The following DICER1 variants were observed in gnomAD, a reference collection of about 807,000 sequenced individuals.
DICER1 encodes endoribonuclease Dicer.
Under a neutral mutation model 194.1 loss-of-function variants are expected in DICER1, and 43 were observed. That is an observed-to-expected ratio of 0.22 (90% CI 0.17 to 0.29). The LOEUF is 0.29. DICER1 is among the 10% of genes least tolerant of loss of function. The probability of loss-of-function intolerance (pLI) is 1.00; values close to 1 mark genes in which losing one functional copy is unlikely to be tolerated. For synonymous variants in DICER1, 832 were observed against 820.5 expected (o/e 1.01, Z -0.24); for missense variants, 1,608 against 2,317.0 (o/e 0.69, Z 6.28).
Position 95,124,610 on chromosome 14 carries a change from A to G in DICER1, c.962T>C (p.Val321Ala), listed in dbSNP as rs769510530. The change falls in exon 8 of 27, where the codon GTA becomes GCA. Residue 321 changes from valine (V) to alanine (A), a missense_variant. This residue lies in a region of DICER1 where 657 missense variants were observed against 910.1 expected (regional missense o/e 0.72). Transcript: ENST00000343455. The surrounding 1 kb of genome is among the most constrained non-coding windows in gnomAD (Gnocchi z 4.5). ...VVLGPWCADK[V>A]AGMMVRELQK... ...TAGTTCTCTTACCATCATTCCAGCT[A>G]CTTTATCTGCACACCAGGGTCCCAG... The G allele has an allele frequency of 6.2e-7, 1 of 1,613,718 alleles. No homozygotes were observed. The highest frequency in any genetic ancestry group is 8.5e-7 in the Non-Finnish European group (1 of 1,180,016).
intron 7 of DICER1, 124 bp downstream of exon 7, chr14:95,126,453 TAAA>T (rs1244224366): frequency 1.2e-5 from 8 of 640,120 alleles, no homozygotes; most frequent in Non-Finnish European, 2.1e-5. Context: ...GAAAAATGTC[TAAA>T]AAGATTAAGA....
At chr14:95,118,029 G>A (rs185044362) in intron 8 of DICER1, among the ~76,000 whole-genome samples, 10 of 152,254 alleles carry the variant, frequency 6.6e-5, no homozygotes, top group Admixed American at 1.3e-4. Context: ...ATTTGGCGAC[G>A]GTGATTTAAT....
intron 1 of DICER1, among the ~76,000 whole-genome samples, chr14:95,143,058 T>C (rs1377226544): frequency 6.6e-6 from 1 of 152,158 alleles, no homozygotes; most frequent in Non-Finnish European, 1.5e-5. Flanking sequence ...AAGCCCAAAA[T>C]GCATGACTTC....
rs749559682 is a variant in DICER1, at chr14:95,099,926, A to T, written c.4060T>A (p.Cys1354Ser). Residue 1354 changes from cysteine to serine, a missense_variant, in exon 22 of 27, where the codon TGT (cysteine) becomes AGT (serine). Around this residue, in one of 10 missense-constraint regions of DICER1, gnomAD observed 58 missense variants for 125.7 expected, o/e 0.46. Transcript: ENST00000343455. ...TTTTTTCCAAGGCGATACAGATTAC[A>T]GTTGCTGACCTTTAGCAGAAAATAT... ...SYMRSKKVSN[C>S]NLYRLGKKKG... is the part of the protein sequence containing the mutation. 7 of 1,613,970 alleles carry T rather than the reference A, an allele frequency of 4.3e-6. No homozygotes were observed. Among genetic ancestry groups the T allele is most frequent in the Non-Finnish European group, 5.1e-6 (6 of 1,179,972 alleles).
Position 95,105,034 on chromosome 14 carries a change from T to G in DICER1, c.3269+37A>C. The G allele has an allele frequency of 6.3e-7, 1 of 1,598,850 alleles. No homozygotes were observed. Among genetic ancestry groups the G allele is most frequent in the Non-Finnish European group, 8.6e-7 (1 of 1,167,328 alleles). ...CTGTTCTTTTGCAAACAGGATCTCATGATCTGTGTTCTTTCTGGCTGACTG... is the reference window on the plus strand; with the variant it reads ...CTGTTCTTTTGCAAACAGGATCTCAGGATCTGTGTTCTTTCTGGCTGACTG... On this transcript the variant is annotated intron_variant, in intron 20 of 26. Coordinates refer to ENST00000343455, the MANE Select transcript of DICER1 (RefSeq NM_177438.3). The surrounding 1 kb of genome is among the most constrained non-coding windows in gnomAD (Gnocchi z 4.9).
intron 1 of DICER1, 98 bp from the exon 2 acceptor site, chr14:95,133,601 G>T (rs1894144442): frequency 1.1e-6 from 1 of 935,520 alleles, no homozygotes; most frequent in Non-Finnish European, 1.6e-6. Flanking sequence ...ATTCCTATGA[G>T]CCATTCAAAC....
At chr14:95,143,248 T>C (rs971419564) in intron 1 of DICER1, among the ~76,000 whole-genome samples, 7 of 152,192 alleles carry the variant, frequency 4.6e-5, no homozygotes, top group African/African-American at 1.4e-4. Context: ...CAATCACGCC[T>C]ACATCACTTA....
In DICER1 at chr14:95,103,327, T is replaced by TA. The variant is rs781354718; in HGVS notation, c.4050+18dup. On this transcript the variant is annotated intron_variant, in intron 21 of 26. Coordinates refer to ENST00000343455, the MANE Select transcript of DICER1 (RefSeq NM_177438.3). Reference sequence around the variant, plus strand: ...ACACTGAATAATTAACTGCTCAAAATAAAAAAATCATCTCTTACCTTTTTG... The same window carrying TA: ...ACACTGAATAATTAACTGCTCAAAATAAAAAAAATCATCTCTTACCTTTTTG... 44 of 1,612,448 alleles carry TA rather than the reference T, an allele frequency of 2.7e-5. No individual in the cohort carries two copies. The highest frequency in any genetic ancestry group is 1.6e-4 in the Middle Eastern group (1 of 6,076).
At chr14:95,097,248 G>A (rs1469813623) in intron 22 of DICER1, among the ~76,000 whole-genome samples, 1 of 152,058 alleles carries the variant, frequency 6.6e-6, no homozygotes, top group Non-Finnish European at 1.5e-5. Flanking sequence ...ATGTACAATA[G>A]GATTTTATAA....
At chr14:95,147,186 C>T (rs1377482971) in intron 1 of DICER1, among the ~76,000 whole-genome samples, 1 of 152,188 alleles carries the variant, frequency 6.6e-6, no homozygotes, top group East Asian at 1.9e-4. Flanking sequence ...TCCTCCCAGC[C>T]GTGTGCAGTG....
In DICER1 at chr14:95,132,574, T is replaced by C. The variant is rs373646414; in HGVS notation, c.248A>G (p.Tyr83Cys). 4.4e-5 allele frequency: 71 copies of C among 1,613,902 alleles called. No homozygotes were observed. The highest frequency in any genetic ancestry group is 3.3e-4 in the Middle Eastern group (2 of 6,080). Residue 83 changes from tyrosine (Y) to cysteine (C), a missense_variant, in exon 3 of 27, where the codon TAT (tyrosine) becomes TGT (cysteine). Transcript: ENST00000343455. The part of the protein sequence containing the change: ...IAVLLTKELS[Y>C]QIRGDFSRNG... ...TCTGCTGAAGTCTCCCCTGATCTGA[T>C]AGGACAGCTCTTTAGTGAGTAGTAC...
At chr14:95,117,541 G>T in intron 9 of DICER1, 81 bp downstream of exon 9, 1 of 1,430,578 alleles carries the variant, frequency 7.0e-7, no homozygotes, top group South Asian at 1.2e-5. Flanking sequence ...GGGAAACTAT[G>T]AAAAAAGGGA....
In DICER1 at chr14:95,104,107, C is replaced by T. The variant is rs1466088737; in HGVS notation, c.3289G>A (p.Gly1097Arg). The part of the protein sequence containing the change: ...ADFRYPNLDF[G>R]WKKSIDSKSF... Reference sequence around the variant, plus strand: ...TTGCTGTCAATAGATTTTTTCCACCCGAAGTCTAAGTTAGGGTATCTGCAA... The same window carrying T: ...TTGCTGTCAATAGATTTTTTCCACCTGAAGTCTAAGTTAGGGTATCTGCAA... Residue 1097 changes from glycine (G) to arginine (R), a missense_variant, in exon 21 of 27, where the codon GGG (glycine) becomes AGG (arginine). Gly to Arg is a moderately radical substitution (Grantham distance 125). This residue lies in a region of DICER1 where 79 missense variants were observed against 176.1 expected (regional missense o/e 0.45). Transcript: ENST00000343455. The T allele has an allele frequency of 1.2e-6, 2 of 1,613,300 alleles. No individual in the cohort carries two copies. Among genetic ancestry groups the T allele is most frequent in the Admixed American group, 1.7e-5 (1 of 60,006 alleles).
At chr14:95,142,572 A>G (rs1187914781) in intron 1 of DICER1, among the ~76,000 whole-genome samples, 3 of 152,232 alleles carry the variant, frequency 2.0e-5, no homozygotes, top group Non-Finnish European at 4.4e-5. Context: ...ATTATTGCTA[A>G]GTTATCCACA....
intron 8 of DICER1, among the ~76,000 whole-genome samples, chr14:95,118,367 T>C (rs958580411): frequency 1.3e-5 from 2 of 152,196 alleles, no homozygotes; most frequent in Non-Finnish European, 2.9e-5. Flanking sequence ...GGGAAAGAAA[T>C]GTTGTATCCT....
chr14:95,091,479 G>C, intron 24 of DICER1, 114 bp from the exon 25 acceptor site: 1 of 951,368 alleles, frequency 1.1e-6, no homozygotes, highest in South Asian at 1.3e-5. Context: ...AGTAAGGGGG[G>C]AAATACCATT....
At position 95,154,734 on chromosome 14, in the gene DICER1, T is replaced by A. The variant is rs978141608; in HGVS notation, c.-46+2496A>T. On this transcript the variant is annotated intron_variant, in intron 1 of 26. Coordinates refer to ENST00000343455, the MANE Select transcript of DICER1 (RefSeq NM_177438.3). ...CAGGAGTTAGTGTTAATGAGGACAG[T>A]TTGAGTTGGGAAAGATGAAAAAGTA... Among the ~76,000 whole-genome samples the A allele has an allele frequency of 2.6e-5, 4 of 151,880 alleles. No homozygotes were observed. In the South Asian group the frequency reaches 8.3e-4, roughly 32 times the overall value.
Position 95,089,193 on chromosome 14 carries a change from T to C in DICER1, c.*1305A>G, listed in dbSNP as rs535340548. ...AATTAAAGAAACTTAGGCAAATGCC[T>C]AAAGAAGTTTTTTTTTTTTTCCTTT... On this transcript the variant is annotated 3_prime_UTR_variant, in exon 27 of 27. Transcript: ENST00000343455. The C allele has an allele frequency of 1.2e-4, 28 of 231,870 alleles. No homozygotes were observed. In the South Asian group the frequency reaches 4.9e-3, roughly 41 times the overall value. 14.4% of individuals were successfully genotyped at this position (231,870 alleles called of 1,614,324 possible).
rs536815965 is a variant in DICER1, at chr14:95,117,728, T to C, written c.1403A>G (p.Asp468Gly). ...GCTACTGATATAAGCCAGCTCTGGATCTTGTTTGCCAGCTTCCTTTATCAA... is the reference window on the plus strand; with the variant it reads ...GCTACTGATATAAGCCAGCTCTGGACCTTGTTTGCCAGCTTCCTTTATCAA... The part of the protein sequence containing the change: ...NRLIKEAGKQ[D>G]PELAYISSNF... The change falls in exon 9 of 27, where the codon GAT (aspartate) becomes GGT (glycine). Residue 468 changes from aspartate to glycine, a missense_variant. Coordinates refer to ENST00000343455, the MANE Select transcript of DICER1 (RefSeq NM_177438.3). 6.2e-7 allele frequency: 1 copy of C among 1,613,992 alleles called. No individual in the cohort carries two copies. Among genetic ancestry groups the C allele is most frequent in the South Asian group, 1.1e-5 (1 of 91,078 alleles).
Sources: allele counts gnomAD v4.1 joint callset (sites outside exome capture counted in the v4.1 genomes callset), GRCh38; gene constraint gnomAD v4.1.1; regional missense constraint gnomAD v4.1.1; non-coding constraint Gnocchi (gnomAD v3.1); transcripts MANE v1.5; gene names NCBI Gene and HGNC (gene_info 2026-07-23, HGNC 2026-07-21).